Variants in SPTLC3 observed in about 807,000 individuals in gnomAD.
SPTLC3 encodes the protein serine palmitoyltransferase long chain base subunit 3.
A neutral mutation model predicts 59.3 loss-of-function variants in SPTLC3; 36 were observed. The observed-to-expected ratio is 0.61, with a 90% CI of 0.47 to 0.80. SPTLC3 has a LOEUF of 0.80. Among genes scored for constraint, SPTLC3 ranks in the 30% least tolerant of loss-of-function variants. The pLI is 0.00. For synonymous variants in SPTLC3, 257 were observed against 240.8 expected (o/e 1.07, Z -0.62); for missense variants, 625 against 685.1 (o/e 0.91, Z 0.98).
chr20:13,126,506 G>T, intron 8 of SPTLC3, 85 bp from the exon 9 acceptor site: 1 of 1,511,608 alleles, frequency 6.6e-7, no homozygotes, highest in Non-Finnish European at 9.0e-7. Context: ...TTTGCTATGA[G>T]GATAGGGATG....
chr20:13,024,146 G>A (rs948627033), intron 1 of SPTLC3, among the ~76,000 whole-genome samples: 4 of 152,090 alleles, frequency 2.6e-5, no homozygotes, highest in South Asian at 2.1e-4. Context: ...TGTTACTATC[G>A]TCATTTTTTA....
intron 1 of SPTLC3, among the ~76,000 whole-genome samples, chr20:13,033,026 C>G (rs2122439794): frequency 6.6e-6 from 1 of 152,276 alleles, no homozygotes; most frequent in African/African-American, 2.4e-5. Context: ...CATGCTCAAT[C>G]AATCAAGAAC....
At chr20:13,016,042 A>C (rs1276918751) in intron 1 of SPTLC3, among the ~76,000 whole-genome samples, 2 of 152,100 alleles carry the variant, frequency 1.3e-5, no homozygotes, top group East Asian at 3.8e-4. Context: ...TATATCATAA[A>C]ATGCAATTTT....
At chr20:13,018,620 CTTAA>C (rs1985682495) in intron 1 of SPTLC3, among the ~76,000 whole-genome samples, 1 of 152,154 alleles carries the variant, frequency 6.6e-6, no homozygotes, top group Non-Finnish European at 1.5e-5. Context: ...GTTTCATTGG[CTTAA>C]TTAACATATT....
chr20:13,168,099 T>C lies in SPTLC3; in HGVS notation c.*3232T>C. ...CCATCTGCGATTCATTTGGGTAAAA[T>C]TATGCCTTCTTCAGTTTTCTGTATC... On this transcript the variant is annotated 3_prime_UTR_variant, in exon 12 of 12. Transcript: ENST00000399002. 1 of 152,130 alleles carries C rather than the reference T, an allele frequency of 6.6e-6. No homozygotes were observed. Among genetic ancestry groups the C allele is most frequent in the African/African-American group, 2.4e-5 (1 of 41,420 alleles). The allele number at this position is 152,130 out of a possible 1,614,324, so 9.4% of individuals were successfully genotyped here.
At chr20:13,112,373 T>C (rs1028785344) in intron 7 of SPTLC3, among the ~76,000 whole-genome samples, 1 of 152,204 alleles carries the variant, frequency 6.6e-6, no homozygotes, top group Non-Finnish European at 1.5e-5. Context: ...AGAACTCCCT[T>C]ACAACGTGGT....
intron 9 of SPTLC3, among the ~76,000 whole-genome samples, chr20:13,141,097 G>A (rs1406511343): frequency 1.3e-5 from 2 of 152,062 alleles, no homozygotes; most frequent in African/African-American, 4.8e-5. Context: ...GGGCATTGAG[G>A]GGGGAAAGAA....
intron 2 of SPTLC3, among the ~76,000 whole-genome samples, chr20:13,054,865 G>C (rs1419776507): frequency 2.6e-5 from 4 of 151,978 alleles, no homozygotes; most frequent in Non-Finnish European, 5.9e-5. Flanking sequence ...AGTTCATGGA[G>C]AAAAAAGAGA....
At chr20:13,065,279 T>C (rs1988153050) in intron 2 of SPTLC3, among the ~76,000 whole-genome samples, 1 of 151,598 alleles carries the variant, frequency 6.6e-6, no homozygotes, top group Admixed American at 6.6e-5. Context: ...TTTTTTTTTT[T>C]TTCTAAAGTG....
chr20:13,135,229 A>G (rs1459573877), intron 9 of SPTLC3, among the ~76,000 whole-genome samples: 1 of 152,232 alleles, frequency 6.6e-6, no homozygotes, highest in Non-Finnish European at 1.5e-5. Context: ...ATTTGATGAA[A>G]GGAAATCCAC....
rs1987381137 is a variant in SPTLC3, at chr20:13,049,417, C to T, written c.303+287C>T. The stretch of plus-strand genomic sequence containing the variant: ...ACAACCCCATGATATAGATATTAAA[C>T]TATAATTTTGAAGATAAAAACATCA... On this transcript the variant is annotated intron_variant, in intron 2 of 11. Coordinates refer to ENST00000399002, the MANE Select transcript of SPTLC3 (RefSeq NM_018327.4). 3 of 265,386 alleles carry T rather than the reference C, an allele frequency of 1.1e-5. No homozygotes were observed. In the South Asian group the frequency reaches 1.5e-4, roughly 13 times the overall value. 16.4% of individuals were successfully genotyped at this position (265,386 alleles called of 1,614,324 possible).
intron 2 of SPTLC3, among the ~76,000 whole-genome samples, chr20:13,055,475 A>G (rs928264920): frequency 1.2e-4 from 18 of 152,076 alleles, no homozygotes; most frequent in Non-Finnish European, 2.1e-4. Flanking sequence ...GGTACAAGTA[A>G]CTAATGCATA....
chr20:13,095,667 C>G (rs1171249183), intron 6 of SPTLC3, among the ~76,000 whole-genome samples: 1 of 151,966 alleles, frequency 6.6e-6, no homozygotes, highest in Non-Finnish European at 1.5e-5. Flanking sequence ...TCTGAGTTCC[C>G]CAGATGATTA....
intron 1 of SPTLC3, among the ~76,000 whole-genome samples, chr20:13,026,716 C>A (rs550745181): frequency 9.8e-5 from 15 of 152,316 alleles, no homozygotes; most frequent in African/African-American, 3.6e-4. Flanking sequence ...ATAGCAGACC[C>A]TGCTGGTGCC....
chr20:13,026,749 G>A (rs1331145184), intron 1 of SPTLC3, among the ~76,000 whole-genome samples: 1 of 152,160 alleles, frequency 6.6e-6, no homozygotes, highest in Non-Finnish European at 1.5e-5. Context: ...GCTCTTGGCG[G>A]TTACCATTTC....
chr20:13,049,233 T>C, intron 2 of SPTLC3, 103 bp downstream of exon 2: 2 of 1,302,042 alleles, frequency 1.5e-6, no homozygotes, highest in Non-Finnish European at 2.2e-6. Context: ...CATGAGGTGC[T>C]CAGGAACTAT....
intron 4 of SPTLC3, among the ~76,000 whole-genome samples, chr20:13,090,191 T>C (rs926384906): frequency 3.9e-5 from 6 of 152,186 alleles, no homozygotes; most frequent in Admixed American, 2.6e-4. Context: ...AGGGCAAGTA[T>C]GTAAGAGATT....
chr20:13,028,518 T>G (rs1429423227), intron 1 of SPTLC3, among the ~76,000 whole-genome samples: 2 of 152,186 alleles, frequency 1.3e-5, no homozygotes, highest in Non-Finnish European at 2.9e-5. Flanking sequence ...TAAGAGACAG[T>G]CCCTAGGAAG....
intron 2 of SPTLC3, chr20:13,049,470 G>A: frequency 4.5e-6 from 1 of 223,550 alleles, no homozygotes; most frequent in Non-Finnish European, 9.1e-6. Context: ...CTCCTGGGTG[G>A]GACTGTACTT....
Sources: gnomAD v4.1 joint callset for allele counts (sites outside exome capture counted in the v4.1 genomes callset) on GRCh38, gnomAD v4.1.1 for gene constraint, MANE v1.5 for transcripts, NCBI Gene and HGNC (gene_info 2026-07-23, HGNC 2026-07-21) for gene names.